Variants in ADAM29 observed in about 807,000 individuals in gnomAD.
ADAM29 encodes disintegrin and metalloproteinase domain-containing protein 29.
For synonymous variants in ADAM29, 367 were observed against 342.3 expected, an observed-to-expected ratio of 1.07 and a Z score of -0.80; for missense variants, 969 against 1,001.8, an observed-to-expected ratio of 0.97 and a Z score of 0.44.
At chr4:174,922,865 T>G (rs1309249587) in intron 2 of ADAM29, among the ~76,000 whole-genome samples, 1 of 151,866 alleles carries the variant, frequency 6.6e-6, no homozygotes, top group Non-Finnish European at 1.5e-5. Context: ...TCACAAAAAT[T>G]TATATTTTAT....
intron 4 of ADAM29, among the ~76,000 whole-genome samples, chr4:174,957,023 G>T (rs569248883): frequency 2.0e-5 from 3 of 151,904 alleles, no homozygotes; most frequent in South Asian, 4.1e-4. Context: ...ATCCAAACAT[G>T]CAAATAATAC....
chr4:174,960,699 A>G (rs930842528), intron 4 of ADAM29, among the ~76,000 whole-genome samples: 36 of 152,288 alleles, frequency 2.4e-4, no homozygotes, highest in African/African-American at 8.4e-4. Flanking sequence ...TTTCTCGTGC[A>G]TTTTGAAGCT....
chr4:174,977,703 T>C lies in ADAM29; in HGVS notation c.2178T>C (p.His726=), dbSNP rs988433937. ...KEEEKIQRRP[H]ELPPQSQPWV... is the part of the protein sequence containing the mutation. ...AGGAAAAAATTCAGCGTCGACCTCA[T>C]GAGTTACCTCCCCAGAGTCAACCTT... is the stretch of plus-strand genomic sequence containing the variant. Residue 726 remains histidine (H), a synonymous_variant, in exon 5 of 5, where the codon CAT becomes CAC. Transcript: ENST00000359240. 6.2e-7 allele frequency: 1 copy of C among 1,614,260 alleles called. No homozygotes were observed. The highest frequency in any genetic ancestry group is 8.5e-7 in the Non-Finnish European group (1 of 1,180,048).
chr4:174,975,163 A>G (rs1746689798), intron 4 of ADAM29, among the ~76,000 whole-genome samples, 183 bp from the exon 5 acceptor site: 2 of 152,078 alleles, frequency 1.3e-5, no homozygotes, highest in South Asian at 4.1e-4. Context: ...TACACTCCCT[A>G]TTCCCTTTTC....
In ADAM29 at chr4:174,976,198, C is replaced by T; in HGVS notation, c.673C>T (p.Leu225=). 6.2e-7 allele frequency: 1 copy of T among 1,607,916 alleles called. No individual in the cohort carries two copies. The highest frequency in any genetic ancestry group is 8.5e-7 in the Non-Finnish European group (1 of 1,178,002). ...ERNDSKLLED[L]YVIVNIVDSI... is the part of the protein sequence containing the mutation. ...GAACGACTCAAAGTTGCTGGAGGATCTATATGTTATTGTTAATATAGTGGA... is the reference window on the plus strand; with the variant it reads ...GAACGACTCAAAGTTGCTGGAGGATTTATATGTTATTGTTAATATAGTGGA... Residue 225 remains leucine, a synonymous_variant, in exon 5 of 5, where the codon CTA becomes TTA. Coordinates refer to ENST00000359240, the MANE Select transcript of ADAM29 (RefSeq NM_014269.4).
At position 174,976,424 on chromosome 4, in the gene ADAM29, T is replaced by C. The variant is rs1173563289; in HGVS notation, c.899T>C (p.Ile300Thr). The change falls in exon 5 of 5, where the codon ATA (isoleucine) becomes ACA (threonine). Residue 300 changes from isoleucine to threonine, a missense_variant. Ile to Thr is a moderately conservative substitution (Grantham distance 89, BLOSUM62 -1). Coordinates refer to ENST00000359240, the MANE Select transcript of ADAM29 (RefSeq NM_014269.4). ...TTLGLRGLSG[I>T]GAFRGMCTPH... ...CTAGGATTAAGAGGGTTAAGTGGCATAGGAGCTTTTAGAGGAATGTGTACA... is the reference window on the plus strand; with the variant it reads ...CTAGGATTAAGAGGGTTAAGTGGCACAGGAGCTTTTAGAGGAATGTGTACA... The C allele has an allele frequency of 1.9e-6, 3 of 1,598,118 alleles. No homozygotes were observed. Among genetic ancestry groups the C allele is most frequent in the African/African-American group, 1.3e-5 (1 of 74,332 alleles).
At chr4:174,925,649 A>G (rs919689456) in intron 2 of ADAM29, among the ~76,000 whole-genome samples, 4 of 152,206 alleles carry the variant, frequency 2.6e-5, no homozygotes, top group East Asian at 1.9e-4. Context: ...GAGAGTCTTG[A>G]TAACTCTTAT....
At chr4:174,944,090 T>TTA (rs1198937274) in intron 4 of ADAM29, among the ~76,000 whole-genome samples, 4 of 151,746 alleles carry the variant, frequency 2.6e-5, no homozygotes, top group African/African-American at 9.7e-5. Flanking sequence ...AAATATAAAA[T>TTA]TATAATTAAC....
intron 4 of ADAM29, among the ~76,000 whole-genome samples, chr4:174,961,322 AG>A (rs1344227119): frequency 6.6e-6 from 1 of 151,304 alleles, no homozygotes; most frequent in African/African-American, 2.4e-5. Context: ...TTCATTATAT[AG>A]TTGATATATT....
At chr4:174,942,462 C>T (rs1485454248) in intron 4 of ADAM29, among the ~76,000 whole-genome samples, 1 of 152,142 alleles carries the variant, frequency 6.6e-6, no homozygotes, top group Non-Finnish European at 1.5e-5. Context: ...GTCTTCTGCA[C>T]ACCCACAGGC....
At chr4:174,932,359 G>A (rs774980626) in intron 3 of ADAM29, among the ~76,000 whole-genome samples, 9 of 152,142 alleles carry the variant, frequency 5.9e-5, no homozygotes, top group African/African-American at 9.7e-5. Context: ...TAATCAGAGA[G>A]TAAAGATGTA....
chr4:174,923,846 A>G (rs964295448), intron 2 of ADAM29: 2 of 152,466 alleles, frequency 1.3e-5, no homozygotes, highest in African/African-American at 4.8e-5. Flanking sequence ...ATGTTTCACT[A>G]CTACTGGTTG....
rs141744867 is a variant in ADAM29, at chr4:174,929,837, A to G, written c.-450-1149A>G. Among the ~76,000 whole-genome samples the G allele has an allele frequency of 3.4e-3, 514 of 150,790 alleles. 2 individuals carry two copies. Among genetic ancestry groups the G allele is most frequent in the Non-Finnish European group, 5.9e-3 (399 of 67,822 alleles). On this transcript the variant is annotated intron_variant, in intron 2 of 4. Coordinates refer to ENST00000359240, the MANE Select transcript of ADAM29 (RefSeq NM_014269.4). Reference sequence around the variant, plus strand: ...AGTGGCGCGATCTCAGCTCACTGCAATCTCTGTCTCCTGGGTTCAAGCGAT... The same window carrying G: ...AGTGGCGCGATCTCAGCTCACTGCAGTCTCTGTCTCCTGGGTTCAAGCGAT...
rs1007065348 is a variant in ADAM29, at chr4:174,950,797, C to T, written c.-181+13784C>T. Among the ~76,000 whole-genome samples, 11 of 152,274 alleles carry T rather than the reference C, an allele frequency of 7.2e-5. No homozygotes were observed. The South Asian group carries it at 8.3e-4, about 11-fold the overall frequency. On this transcript the variant is annotated intron_variant, in intron 4 of 4. Transcript: ENST00000359240. ...CCTGGTGGGAAGTGAGTAATTACAT[C>T]ATGGGGGCAGACGTCCCCCTTCTGT...
intron 2 of ADAM29, among the ~76,000 whole-genome samples, chr4:174,921,247 G>T (rs1367336557): frequency 1.3e-5 from 2 of 152,112 alleles, no homozygotes; most frequent in Admixed American, 1.3e-4. Context: ...TTCAACAAGA[G>T]AAATAAAAGC....
At chr4:174,954,531 GGCTT>G (rs1745382325) in intron 4 of ADAM29, among the ~76,000 whole-genome samples, 1 of 152,030 alleles carries the variant, frequency 6.6e-6, no homozygotes, top group Non-Finnish European at 1.5e-5. Context: ...CAGAAACATG[GGCTT>G]ATACATATTT....
In ADAM29 at chr4:174,975,839, A is replaced by G. The variant is rs1222114163; in HGVS notation, c.314A>G (p.Tyr105Cys). 5 of 1,614,174 alleles carry G rather than the reference A, an allele frequency of 3.1e-6. No individual in the cohort carries two copies. Among genetic ancestry groups the G allele is most frequent in the Non-Finnish European group, 4.2e-6 (5 of 1,180,008 alleles). Residue 105 changes from tyrosine (Y) to cysteine (C), a missense_variant, in exon 5 of 5, where the codon TAT (tyrosine) becomes TGT (cysteine). By Grantham distance (194) the Tyr-to-Cys change is radical. Transcript: ENST00000359240. ...FVQNNCYYHG[Y>C]VEGDPESLVS... ...CAGAATAACTGCTACTATCATGGTT[A>G]TGTGGAAGGGGACCCAGAATCCCTG...
chr4:174,975,243 T>G, intron 4 of ADAM29, 103 bp from the exon 5 acceptor site: 1 of 294,458 alleles, frequency 3.4e-6, no homozygotes, highest in Admixed American at 4.8e-5. Context: ...ACTAATCACT[T>G]TTATCTCATG....
In ADAM29 at chr4:174,977,415, T is replaced by A. The variant is rs202075293; in HGVS notation, c.1890T>A (p.Cys630Ter). Residue 630 changes from cysteine to a stop codon, truncating the protein, a stop_gained, in exon 5 of 5, where the codon TGT (cysteine) becomes TGA (stop). Transcript: ENST00000359240. LOFTEE classifies it low-confidence loss of function (END_TRUNC). Reference sequence around the variant, plus strand: ...ATAGTAATTGCTCACCTGCATTTTGTAACAAGAGGGGCATCTGCAACAATA... The same window carrying A: ...ATAGTAATTGCTCACCTGCATTTTGAAACAAGAGGGGCATCTGCAACAATA... ...ILNSNCSPAFCNKRGICNNKH... is the reference protein window; with the variant it reads ...ILNSNCSPAF 6.3e-5 allele frequency: 102 copies of A among 1,613,992 alleles called. 1 individual carries two copies. The Admixed American group carries it at 8.3e-4, about 13-fold the overall frequency.
Sources: allele counts gnomAD v4.1 joint callset (sites outside exome capture counted in the v4.1 genomes callset), GRCh38; gene constraint gnomAD v4.1.1; transcripts MANE v1.5; gene names NCBI Gene and HGNC (gene_info 2026-07-23, HGNC 2026-07-21).